The following MYO7B variants were observed in gnomAD, a reference collection of about 807,000 sequenced individuals.
MYO7B encodes the protein myosin VIIB, also known as unconventional myosin-VIIb.
Under a neutral mutation model 259.7 loss-of-function variants are expected in MYO7B, and 212 were observed. The ratio of observed to expected loss-of-function variants is 0.82; its 90% confidence interval spans 0.73 to 0.91. The LOEUF (loss-of-function observed/expected upper bound fraction) is 0.91, where lower values mean the gene tolerates loss of function less well. MYO7B is among the 40% of genes least tolerant of loss of function. The pLI is 0.00. For synonymous variants in MYO7B, 1,197 were observed against 1,166.4 expected (o/e 1.03, Z -0.54); for missense variants, 2,732 against 2,813.5 (o/e 0.97, Z 0.66).
rs1390544954 is a variant in MYO7B, at chr2:127,574,075, C to G, written c.735+13C>G. 7 of 1,613,618 alleles carry G rather than the reference C, an allele frequency of 4.3e-6. No homozygotes were observed. The highest frequency in any genetic ancestry group is 5.9e-6 in the Non-Finnish European group (7 of 1,179,816). On this transcript the variant is annotated intron_variant, in intron 7 of 47. Transcript: ENST00000409816. ...GGTCTGCCGGCAGGTGAGGCCTCCC[C>G]CTTCCCAGGTCGGGAGTTGAGGGAA...
rs1260411574 is a variant in MYO7B at position 127,580,773 on chromosome 2, C to T, written c.1031C>T (p.Ser344Leu). 3 of 1,613,594 alleles carry T rather than the reference C, an allele frequency of 1.9e-6. No individual in the cohort carries two copies. In the Admixed American group the frequency reaches 5.0e-5, roughly 27 times the overall value. The change falls in exon 10 of 48, where the codon TCA (serine) becomes TTA (leucine). Residue 344 changes from serine (S) to leucine (L), a missense_variant. Physicochemically the swap from Ser to Leu is moderately radical, Grantham distance 145 (BLOSUM62 -2). Around this residue, in one of 3 missense-constraint regions of MYO7B, gnomAD observed 1,906 missense variants for 2,026.4 expected, o/e 0.94. Coordinates refer to ENST00000409816, the MANE Select transcript of MYO7B (RefSeq NM_001393586.1). ...TCGGTCTTCGAGAACCTGGACGCCT[C>T]AGACGTGATGGAGACGCCCGCCTTT... ...MASVFENLDA[S>L]DVMETPAFPT...
At chr2:127,635,960 C>A in intron 44 of MYO7B, 53 bp downstream of exon 44, 1 of 1,528,958 alleles carries the variant, frequency 6.5e-7, no homozygotes, top group Non-Finnish European at 8.8e-7. Flanking sequence ...TCCCTGGGCC[C>A]CTGCACCAGT....
rs564587406 is a variant in MYO7B, at chr2:127,609,843, C to G, written c.3025-6C>G. The G allele has an allele frequency of 6.2e-7, 1 of 1,613,480 alleles. No individual in the cohort carries two copies. Among genetic ancestry groups the G allele is most frequent in the Admixed American group, 1.7e-5 (1 of 59,928 alleles). ...TCCCACTGGGCCTTCTGTCTTGTTT[C>G]CCCAGGCCGCCCTGGTCATATGGAA... On this transcript the variant is annotated splice_region_variant and splice_polypyrimidine_tract_variant and intron_variant, in intron 23 of 47. Coordinates refer to ENST00000409816, the MANE Select transcript of MYO7B (RefSeq NM_001393586.1). The surrounding 1 kb of genome is among the most constrained non-coding windows in gnomAD (Gnocchi z 6.9).
In MYO7B at chr2:127,584,991, G is replaced by A. The variant is rs1024673897; in HGVS notation, c.1690+78G>A. On this transcript the variant is annotated intron_variant, in intron 14 of 47. Coordinates refer to ENST00000409816, the MANE Select transcript of MYO7B (RefSeq NM_001393586.1). This position sits in a 1 kb window ranked among gnomAD's most constrained non-coding sequence, Gnocchi z 5.8. ...GAGACCGTGGAAAGCAGGCTCAGAGGATGAGGCTATTTTGCAGCTCTAGCA... is the reference window on the plus strand; with the variant it reads ...GAGACCGTGGAAAGCAGGCTCAGAGAATGAGGCTATTTTGCAGCTCTAGCA... 1.3e-5 allele frequency: 20 copies of A among 1,565,214 alleles called. No individual in the cohort carries two copies. Among genetic ancestry groups the A allele is most frequent in the South Asian group, 7.1e-5 (6 of 84,080 alleles).
rs750634319 is a variant in MYO7B, at chr2:127,596,562, G to C, written c.2339+6G>C. ...CTTCGGGGCTACAGATACAGGTGCC[G>C]GCCCCACCCCAAGGCCCACCCAGCC... On this transcript the variant is annotated splice_donor_region_variant and intron_variant, in intron 19 of 47. Transcript: ENST00000409816. The C allele has an allele frequency of 5.0e-6, 8 of 1,606,154 alleles. No homozygotes were observed. The African/African-American group carries it at 9.4e-5, about 19-fold the overall frequency.
At position 127,558,106 on chromosome 2, in the gene MYO7B, G is replaced by A. The variant is rs539110252; in HGVS notation, c.-23-1594G>A. Reference sequence around the variant, plus strand: ...TTCACAAACTATGCATCTGACAAAGGACTAATATCCAGAATCTACAAGGAA... The same window carrying A: ...TTCACAAACTATGCATCTGACAAAGAACTAATATCCAGAATCTACAAGGAA... On this transcript the variant is annotated intron_variant, in intron 1 of 47. Transcript: ENST00000409816. Among the ~76,000 whole-genome samples, 9 of 152,088 alleles carry A rather than the reference G, an allele frequency of 5.9e-5. No homozygotes were observed. In the South Asian group the frequency reaches 1.9e-3, roughly 32 times the overall value.
At chr2:127,624,941 G>C (rs1681032170) in intron 30 of MYO7B, among the ~76,000 whole-genome samples, 2 of 152,220 alleles carry the variant, frequency 1.3e-5, no homozygotes, top group African/African-American at 4.8e-5. Context: ...GGCAGGGGGT[G>C]GCAGGGGACC....
intron 1 of MYO7B, among the ~76,000 whole-genome samples, chr2:127,552,942 C>T (rs765492099): frequency 1.3e-5 from 2 of 152,188 alleles, no homozygotes; most frequent in Non-Finnish European, 2.9e-5. Flanking sequence ...AGAAAATTCT[C>T]CTTCTTTGCT....
rs551319572 is a variant in MYO7B, at chr2:127,609,011, G to A, written c.2814+133G>A. 9 of 1,219,794 alleles carry A rather than the reference G, an allele frequency of 7.4e-6. No homozygotes were observed. In the Admixed American group the frequency reaches 9.7e-5, roughly 13 times the overall value. The allele number at this position is 1,219,794 out of a possible 1,614,324, so 75.6% of individuals were successfully genotyped here. A position where few individuals can be genotyped will look rare whatever the true frequency, so the allele number is the denominator to read the frequency against. On this transcript the variant is annotated intron_variant, in intron 22 of 47. Transcript: ENST00000409816. This position sits in a 1 kb window ranked among gnomAD's most constrained non-coding sequence, Gnocchi z 6.9. ...CCAAGTGTGTGCTGCAGCCCTGCTG[G>A]TCCCACACGGAAGAGGGGAGCGTGC...
At chr2:127,571,374 G>A (rs2104894411) in intron 6 of MYO7B, among the ~76,000 whole-genome samples, 1 of 124,382 alleles carries the variant, frequency 8.0e-6, no homozygotes, top group Non-Finnish European at 1.7e-5. Context: ...CTTCTCTGGT[G>A]AAGTGTCAGT....
chr2:127,634,291 TGGGCC>T lies in MYO7B; in HGVS notation c.5625+7_5625+11del. On this transcript the variant is annotated splice_donor_5th_base_variant and intron_variant, in intron 41 of 47. Coordinates refer to ENST00000409816, the MANE Select transcript of MYO7B (RefSeq NM_001393586.1). ...CTCTTCATCAAGATTTCAGACAAGG[TGGGCC>T]GGGCTGGGGCTGGGCAGACGGTGGG... 6.4e-7 allele frequency: 1 copy of T among 1,564,500 alleles called. No homozygotes were observed. Among genetic ancestry groups the T allele is most frequent in the Non-Finnish European group, 8.6e-7 (1 of 1,157,496 alleles).
chr2:127,577,296 G>A lies in MYO7B; in HGVS notation c.849+588G>A, dbSNP rs764079586. 6.8e-4 allele frequency among the ~76,000 whole-genome samples: 103 copies of A among 152,210 alleles called. No homozygotes were observed. Among genetic ancestry groups the A allele is most frequent in the Non-Finnish European group, 1.2e-3 (82 of 67,998 alleles). ...CTCTCTCCTGGGTCCACTGCTCCAA[G>A]GCCTTCACCAGCCCCTGCCTAGACT... On this transcript the variant is annotated intron_variant, in intron 8 of 47. Transcript: ENST00000409816. The surrounding 1 kb of genome is among the most constrained non-coding windows in gnomAD (Gnocchi z 5.2).
chr2:127,564,358 C>T (rs1205612930), intron 3 of MYO7B, 92 bp downstream of exon 3: 4 of 1,040,922 alleles, frequency 3.8e-6, no homozygotes, highest in Non-Finnish European at 5.5e-6. Flanking sequence ...CTCCCCAACA[C>T]CAGGGGCTCC....
At chr2:127,620,509 T>C in intron 27 of MYO7B, 43 bp downstream of exon 27, 4 of 1,423,120 alleles carry the variant, frequency 2.8e-6, no homozygotes, top group Non-Finnish European at 3.8e-6. Context: ...GGGCAGGTTC[T>C]GGTGGGAGCG....
At chr2:127,617,289 G>A (rs1343212032) in intron 26 of MYO7B, among the ~76,000 whole-genome samples, 1 of 152,136 alleles carries the variant, frequency 6.6e-6, no homozygotes, top group African/African-American at 2.4e-5. Context: ...AGGTGCTGTA[G>A]GTGGGGCAAA....
At chr2:127,619,200 G>A (rs1680717409) in intron 26 of MYO7B, among the ~76,000 whole-genome samples, 1 of 142,522 alleles carries the variant, frequency 7.0e-6, no homozygotes, top group African/African-American at 2.6e-5. Flanking sequence ...CCAGCTGGAT[G>A]GTGGTGGCTG....
chr2:127,563,432 A>G (rs956449101), intron 2 of MYO7B, among the ~76,000 whole-genome samples: 1 of 152,206 alleles, frequency 6.6e-6, no homozygotes, highest in South Asian at 2.1e-4. Flanking sequence ...TCTCCCACCC[A>G]ATAGATCTGG....
intron 28 of MYO7B, 127 bp from the exon 29 acceptor site, chr2:127,623,075 C>T: frequency 1.7e-6 from 2 of 1,176,994 alleles, no homozygotes; most frequent in Middle Eastern, 2.0e-4. Context: ...AGGGCCCACC[C>T]CTGGGAACCC....
At position 127,605,837 on chromosome 2, in the gene MYO7B, C is replaced by G. The variant is rs768453003; in HGVS notation, c.2340-7C>G. ...TTACATGTGTGTGGCTTGCATTGCC[C>G]TTCTAGGAAGGAGTTCCTGAGGCAG... On this transcript the variant is annotated splice_region_variant and splice_polypyrimidine_tract_variant and intron_variant, in intron 19 of 47. Transcript: ENST00000409816. The G allele has an allele frequency of 3.1e-6, 5 of 1,613,058 alleles. No individual in the cohort carries two copies. In the Admixed American group the frequency reaches 8.3e-5, roughly 27 times the overall value.
Sources: allele counts gnomAD v4.1 joint callset (sites outside exome capture counted in the v4.1 genomes callset), GRCh38; gene constraint gnomAD v4.1.1; regional missense constraint gnomAD v4.1.1; non-coding constraint Gnocchi (gnomAD v3.1); transcripts MANE v1.5; gene names NCBI Gene and HGNC (gene_info 2026-07-23, HGNC 2026-07-21).